CIMIP2A: variants seen among roughly 807,000 people sequenced by gnomAD.
The protein encoded by CIMIP2A is ciliary microtubule inner protein 2A, also known as family with sequence similarity 166 member A.
the CIMIP2A span, chr9:137,244,331 G>A: frequency 5.3e-5 from 85 of 1,611,464 alleles, no homozygotes; most frequent in Non-Finnish European, 7.0e-5. Flanking sequence ...TCCCCGGCAG[G>A]CAAACAGATA....
At chr9:137,251,262 T>G in the CIMIP2A span, 1 of 1,482,034 alleles carries the variant, frequency 6.7e-7, no homozygotes, top group Non-Finnish European at 9.4e-7. Flanking sequence ...GTGGTGCCGT[T>G]GGGGAAGAGA....
At chr9:137,252,395 G>T in the CIMIP2A span, 67 of 1,581,532 alleles carry the variant, frequency 4.2e-5, no homozygotes, top group Non-Finnish European at 5.6e-5. Flanking sequence ...TGTCACCTGG[G>T]TGGGGCTCCC....
At chr9:137,252,053 C>G in the CIMIP2A span, 3 of 1,612,952 alleles carry the variant, frequency 1.9e-6, no homozygotes, top group African/African-American at 4.0e-5. Context: ...CCAGCCCCAC[C>G]AGGTACCAGG....
At chr9:137,245,051 G>T in the CIMIP2A span, 1 of 1,610,202 alleles carries the variant, frequency 6.2e-7, no homozygotes, top group South Asian at 1.1e-5. Context: ...TTGTGGGGAG[G>T]GGCGGCCTTC....
At chr9:137,252,068 G>C in the CIMIP2A span, 4 of 1,613,024 alleles carry the variant, frequency 2.5e-6, no homozygotes, top group Admixed American at 1.7e-5. Context: ...ACCAGGTGCC[G>C]AGCCCGTCCG....
chr9:137,244,318 C>T, the CIMIP2A span: 1 of 1,612,478 alleles, frequency 6.2e-7, no homozygotes. Context: ...CTAACAAGCT[C>T]CCTCCCCGGC....
the CIMIP2A span, among the ~76,000 whole-genome samples, chr9:137,246,203 C>T: frequency 1.3e-5 from 2 of 152,226 alleles, no homozygotes; most frequent in Admixed American, 6.5e-5. Context: ...AGGCACAAGA[C>T]GTGTGGGCCA....
At chr9:137,251,467 G>A in the CIMIP2A span, 1 of 1,261,760 alleles carries the variant, frequency 7.9e-7, no homozygotes, top group Non-Finnish European at 1.1e-6. Flanking sequence ...ACAGTGTGGG[G>A]GGCAGGTTGC....
the CIMIP2A span, chr9:137,247,548 C>G: frequency 2.0e-6 from 2 of 1,005,906 alleles, no homozygotes; most frequent in Non-Finnish European, 3.0e-6. Flanking sequence ...CCTTCAGTTT[C>G]CTGGGGTCCA....
At chr9:137,244,203 C>T in the CIMIP2A span, 2 of 1,613,934 alleles carry the variant, frequency 1.2e-6, no homozygotes, top group South Asian at 1.1e-5. Context: ...GGGGATCAGG[C>T]CTTGGCTGCT....
the CIMIP2A span, chr9:137,251,163 GC>G: frequency 3.7e-5 from 29 of 776,110 alleles, no homozygotes; most frequent in Admixed American, 5.3e-4. Context: ...AGGGGTCGGG[GC>G]CCGGGGCAGC....
the CIMIP2A span, chr9:137,245,353 G>C: frequency 2.5e-6 from 4 of 1,606,942 alleles, no homozygotes; most frequent in African/African-American, 4.0e-5. Flanking sequence ...GCTCTTCCAG[G>C]CCTCTTCCCC....
the CIMIP2A span, among the ~76,000 whole-genome samples, chr9:137,248,401 G>A: frequency 6.6e-6 from 1 of 152,044 alleles, no homozygotes; most frequent in African/African-American, 2.4e-5. Flanking sequence ...AAATTAGCCA[G>A]GTGCGGTGGC....
At chr9:137,245,090 T>A in the CIMIP2A span, 1 of 1,609,010 alleles carries the variant, frequency 6.2e-7, no homozygotes. Flanking sequence ...CACACCCACC[T>A]GAGATGGCCT....
At chr9:137,253,116 C>T in the CIMIP2A span, 1 of 1,564,518 alleles carries the variant, frequency 6.4e-7, no homozygotes, top group African/African-American at 1.4e-5. Flanking sequence ...TTTCGGCAGC[C>T]CGAACCCCTG....
chr9:137,253,838 C>T, the CIMIP2A span, among the ~76,000 whole-genome samples: 2 of 152,170 alleles, frequency 1.3e-5, no homozygotes, highest in African/African-American at 2.4e-5. Flanking sequence ...AGGAAGGGCC[C>T]AGGGATCTGC....
At chr9:137,248,844 G>A in the CIMIP2A span, among the ~76,000 whole-genome samples, 1 of 152,096 alleles carries the variant, frequency 6.6e-6, no homozygotes, top group African/African-American at 2.4e-5. Context: ...CTTCAGCCTG[G>A]GCAACAGAAC....
chr9:137,251,147 C>A, the CIMIP2A span: 1 of 697,568 alleles, frequency 1.4e-6, no homozygotes, highest in Non-Finnish European at 2.6e-6. Flanking sequence ...GGGGGAGGGG[C>A]CCACCAGGGG....
chr9:137,252,893 C>T, the CIMIP2A span: 12 of 1,596,112 alleles, frequency 7.5e-6, no homozygotes, highest in African/African-American at 2.7e-5. Context: ...TCCTGGGAGC[C>T]GCCTGCAGAG....
Sources: gnomAD v4.1 joint callset for allele counts (sites outside exome capture counted in the v4.1 genomes callset) on GRCh38, gnomAD v4.1.1 for gene constraint, MANE v1.5 for transcripts, NCBI Gene and HGNC (gene_info 2026-07-23, HGNC 2026-07-21) for gene names.